The following USP40 variants were observed in gnomAD, a reference collection of about 807,000 sequenced individuals.
USP40 encodes ubiquitin specific peptidase 40.
In USP40, 143 loss-of-function variants were observed where a neutral mutation model predicts 166.2. That is an observed-to-expected ratio of 0.86 (90% confidence interval 0.75 to 0.99). The LOEUF is 0.99. Among genes scored for constraint, USP40 ranks in the 50% least tolerant of loss-of-function variants. USP40 has a pLI of 0.00. For missense variants in USP40, 1,444 were observed against 1,479.7 expected (o/e 0.98, Z 0.40); for synonymous variants, 498 against 524.0 (o/e 0.95, Z 0.68).
intron 3 of USP40, 149 bp from the exon 4 acceptor site, chr2:233,560,073 G>A: frequency 1.9e-6 from 1 of 535,836 alleles, no homozygotes; most frequent in African/African-American, 1.9e-5. Flanking sequence ...AACTAATTAT[G>A]ATTCAGTTCT....
At chr2:233,547,411 C>T (rs1223677059) in intron 8 of USP40, among the ~76,000 whole-genome samples, 2 of 152,094 alleles carry the variant, frequency 1.3e-5, no homozygotes, top group Non-Finnish European at 2.9e-5. Context: ...GTCAGAAATA[C>T]AGACGAACAC....
In USP40 at chr2:233,511,698, C is replaced by T. The variant is rs1287956860; in HGVS notation, c.2526+11G>A. The T allele has an allele frequency of 6.2e-7, 1 of 1,604,782 alleles. No individual in the cohort carries two copies. Among genetic ancestry groups the T allele is most frequent in the Non-Finnish European group, 8.5e-7 (1 of 1,175,442 alleles). On this transcript the variant is annotated intron_variant, in intron 20 of 31. Transcript: ENST00000678225. ...GTTGATTTTGTTTTGAAACAGGTGA[C>T]CTTATTTTACCTGAGACGAACTTGG...
chr2:233,533,795 A>C lies in USP40; in HGVS notation c.1171-16T>G, dbSNP rs1266886435. 4 of 1,508,798 alleles carry C rather than the reference A, an allele frequency of 2.7e-6. No individual in the cohort carries two copies. The highest frequency in any genetic ancestry group is 1.3e-5 in the South Asian group (1 of 76,916). 93.5% of individuals were successfully genotyped at this position (1,508,798 alleles called of 1,614,324 possible). ...GCTGTAAGAACTACACAGAAACAAA[A>C]AAAAAAATGCTAAGTTAATTATTTA... On this transcript the variant is annotated splice_polypyrimidine_tract_variant and intron_variant, in intron 10 of 31. Transcript: ENST00000678225.
At chr2:233,541,386 A>T (rs1003213226) in intron 9 of USP40, among the ~76,000 whole-genome samples, 1 of 152,216 alleles carries the variant, frequency 6.6e-6, no homozygotes, top group Non-Finnish European at 1.5e-5. Flanking sequence ...AAGTTTGGAC[A>T]AAGTGACACC....
At chr2:233,542,385 G>C (rs1349855413) in intron 8 of USP40, 22 bp from the exon 9 acceptor site, 1 of 1,408,926 alleles carries the variant, frequency 7.1e-7, no homozygotes, top group Non-Finnish European at 9.7e-7. Context: ...AACAGTATGA[G>C]TTTCTATCAC....
At chr2:233,520,897 A>C (rs749993077) in intron 17 of USP40, 94 bp downstream of exon 17, 192 of 1,383,254 alleles carry the variant, frequency 1.4e-4, no homozygotes, top group Non-Finnish European at 1.8e-4. Context: ...AAGTCTATTG[A>C]GACAACTGTT....
intron 15 of USP40, among the ~76,000 whole-genome samples, chr2:233,524,169 AC>A (rs1322341643): frequency 6.6e-6 from 1 of 152,054 alleles, no homozygotes; most frequent in Non-Finnish European, 1.5e-5. Context: ...TTGCCCTGTC[AC>A]CCAGGCTGGA....
intron 11 of USP40, among the ~76,000 whole-genome samples, chr2:233,529,736 C>A (rs1436640996): frequency 1.3e-5 from 2 of 151,724 alleles, no homozygotes; most frequent in African/African-American, 2.4e-5. Flanking sequence ...TAGAAGAATT[C>A]CATTTTTTCA....
In USP40 at chr2:233,523,415, G is replaced by T; in HGVS notation, c.1956C>A (p.Ser652Arg). Reference sequence around the variant, plus strand: ...CCTGACAACACTTTTCTCCATCACTGCTTGTGTCTAGATGAAGAACATTTA... The same window carrying T: ...CCTGACAACACTTTTCTCCATCACTTCTTGTGTCTAGATGAAGAACATTTA... The part of the protein sequence containing the change: ...LLLNVLHLDT[S>R]SDGEKCCQVI... Residue 652 changes from serine (S) to arginine (R), a missense_variant, in exon 16 of 32, where the codon AGC (serine) becomes AGA (arginine). Physicochemically the swap from Ser to Arg is moderately radical, Grantham distance 110. Coordinates refer to ENST00000678225, the MANE Select transcript of USP40 (RefSeq NM_001365479.2). 6.2e-7 allele frequency: 1 copy of T among 1,613,964 alleles called. No homozygotes were observed. Among genetic ancestry groups the T allele is most frequent in the Admixed American group, 1.7e-5 (1 of 60,018 alleles).
At chr2:233,534,513 T>C (rs1352569922) in intron 10 of USP40, among the ~76,000 whole-genome samples, 1 of 152,182 alleles carries the variant, frequency 6.6e-6, no homozygotes. Flanking sequence ...GGGTACTTCA[T>C]CAATCACCCT....
intron 24 of USP40, among the ~76,000 whole-genome samples, chr2:233,495,881 GGT>G (rs1304528869): frequency 2.0e-5 from 3 of 152,174 alleles, no homozygotes; most frequent in African/African-American, 7.2e-5. Flanking sequence ...AAATGAATAA[GGT>G]AGGTGTGTAT....
At chr2:233,512,744 T>G in intron 18 of USP40, 122 bp from the exon 19 acceptor site, 1 of 451,600 alleles carries the variant, frequency 2.2e-6, no homozygotes. Flanking sequence ...AGAGATGCTC[T>G]ATTGTGTTAA....
At chr2:233,561,045 G>C (rs1231500081) in intron 3 of USP40, 3 of 1,230,016 alleles carry the variant, frequency 2.4e-6, no homozygotes, top group East Asian at 2.5e-5. Flanking sequence ...TGGAAATAAA[G>C]AGCATATTTG....
Position 233,485,960 on chromosome 2 carries a change from A to G in USP40, c.3215T>C (p.Leu1072Pro), listed in dbSNP as rs1231152761. The change falls in exon 29 of 32, where the codon CTG becomes CCG. Residue 1072 changes from leucine to proline, a missense_variant. By Grantham distance (98) the Leu-to-Pro change is moderately conservative (BLOSUM62 -3). Transcript: ENST00000678225. ...GENLGPQDVLLRTQVRIPGER... is the reference protein window; with the variant it reads ...GENLGPQDVLPRTQVRIPGER... ...ACCAGGGATGCGCACCTGTGTCCTC[A>G]GCAGCACGTCCTGGGGGCTGTACCA... 1.3e-6 allele frequency: 2 copies of G among 1,584,232 alleles called. No individual in the cohort carries two copies. The highest frequency in any genetic ancestry group is 1.4e-5 in the African/African-American group (1 of 73,906).
Position 233,486,292 on chromosome 2 carries a change from G to A in USP40, c.3198-315C>T, listed in dbSNP as rs2064943125. 6.6e-6 allele frequency among the ~76,000 whole-genome samples: 1 copy of A among 152,216 alleles called. No individual in the cohort carries two copies. The highest frequency in any genetic ancestry group is 2.4e-5 in the African/African-American group (1 of 41,446). ...GAGCAGGTACGATGTGGCAGAGAGGGACAGGGTGAGAGAGGCCTGGCTTGA... is the reference window on the plus strand; with the variant it reads ...GAGCAGGTACGATGTGGCAGAGAGGAACAGGGTGAGAGAGGCCTGGCTTGA... On this transcript the variant is annotated intron_variant, in intron 28 of 31. Transcript: ENST00000678225. The surrounding 1 kb of genome is among the most constrained non-coding windows in gnomAD (Gnocchi z 4.0).
At chr2:233,478,124 G>A (rs1050913661) in intron 31 of USP40, among the ~76,000 whole-genome samples, 8 of 152,242 alleles carry the variant, frequency 5.3e-5, no homozygotes, top group Admixed American at 1.3e-4. Flanking sequence ...CCTTCAATAC[G>A]GCCAGAATCT....
chr2:233,553,557 A>G (rs1015126071), intron 6 of USP40, among the ~76,000 whole-genome samples: 17 of 152,250 alleles, frequency 1.1e-4, no homozygotes, highest in Admixed American at 9.8e-4. Context: ...AATCCCTGCC[A>G]TATCAGAAAG....
At chr2:233,525,751 G>A (rs1264169796) in intron 13 of USP40, among the ~76,000 whole-genome samples, 189 bp from the exon 14 acceptor site, 4 of 152,208 alleles carry the variant, frequency 2.6e-5, no homozygotes, top group East Asian at 1.9e-4. Context: ...AGCCAAAGAC[G>A]GCTAATCTCC....
chr2:233,507,501 A>G (rs1168756712), intron 21 of USP40, among the ~76,000 whole-genome samples: 1 of 152,192 alleles, frequency 6.6e-6, no homozygotes, highest in Non-Finnish European at 1.5e-5. Flanking sequence ...CATAAAAAAG[A>G]ATAAAATCCT....
Sources: allele counts gnomAD v4.1 joint callset (sites outside exome capture counted in the v4.1 genomes callset), GRCh38; gene constraint gnomAD v4.1.1; non-coding constraint Gnocchi (gnomAD v3.1); transcripts MANE v1.5; gene names NCBI Gene and HGNC (gene_info 2026-07-23, HGNC 2026-07-21).